Variants in HS2ST1 observed in about 807,000 individuals in gnomAD.
The protein encoded by HS2ST1 is 2-O-sulfotransferase.
HS2ST1 carries 18 observed loss-of-function variants against 42.9 expected under a neutral mutation model. The ratio of observed to expected loss-of-function variants is 0.42; its 90% CI spans 0.29 to 0.62. The LOEUF (loss-of-function observed/expected upper bound fraction) is 0.62, where lower values mean the gene tolerates loss of function less well. Ranked by LOEUF, HS2ST1 falls within the 20% of genes least tolerant of loss-of-function variation. The pLI, the probability that HS2ST1 is intolerant of heterozygous loss-of-function variation, is 0.21. For missense variants in HS2ST1, 334 were observed against 433.8 expected (o/e 0.77, Z 2.04); for synonymous variants, 146 against 152.9 (o/e 0.95, Z 0.33).
At position 86,919,235 on chromosome 1, in the gene HS2ST1, G is replaced by A. The variant is rs945919198; in HGVS notation, c.124+4075G>A. ...GCTGGGATTACAGGCATGAGCCACT[G>A]CACCCGGCCTCTTATTTGTTTTTGT... On this transcript the variant is annotated intron_variant, in intron 1 of 6. Transcript: ENST00000370550. 5.9e-5 allele frequency among the ~76,000 whole-genome samples: 9 copies of A among 152,076 alleles called. No individual in the cohort carries two copies. In the East Asian group the frequency reaches 7.7e-4, roughly 13 times the overall value.
At chr1:87,046,253 C>G in intron 1 of HS2ST1, 2 of 787,370 alleles carry the variant, frequency 2.5e-6, no homozygotes, top group South Asian at 2.6e-5. Flanking sequence ...AGGGTGTGAC[C>G]AAGTGTTACG....
rs541079525 is a variant in HS2ST1 at position 87,018,338 on chromosome 1, T to C, written c.125-54596T>C. Among the ~76,000 whole-genome samples the C allele has an allele frequency of 4.6e-5, 7 of 152,350 alleles. No homozygotes were observed. The South Asian group carries it at 1.5e-3, about 32-fold the overall frequency. ...GAGGAAGGGAGCTTCTTTACTAGTTTTTGAGTGCTTGCAGCTTCCCTGGCT... is the reference window on the plus strand; with the variant it reads ...GAGGAAGGGAGCTTCTTTACTAGTTCTTGAGTGCTTGCAGCTTCCCTGGCT... On this transcript the variant is annotated intron_variant, in intron 1 of 6. Coordinates refer to ENST00000370550, the MANE Select transcript of HS2ST1 (RefSeq NM_012262.4).
At chr1:87,097,715 A>G in intron 4 of HS2ST1, 123 bp from the exon 5 acceptor site, 1 of 1,130,430 alleles carries the variant, frequency 8.8e-7, no homozygotes, top group Non-Finnish European at 1.2e-6. Flanking sequence ...ATGACTCCAA[A>G]AAAAATAAGA....
chr1:87,042,812 G>A (rs1321356841), intron 1 of HS2ST1, among the ~76,000 whole-genome samples: 1 of 152,064 alleles, frequency 6.6e-6, no homozygotes, highest in Non-Finnish European at 1.5e-5. Flanking sequence ...CTGTATGTCT[G>A]GGAATATGTT....
chr1:86,975,095 C>T (rs922019135), intron 1 of HS2ST1, among the ~76,000 whole-genome samples: 24 of 151,976 alleles, frequency 1.6e-4, no homozygotes, highest in African/African-American at 4.8e-4. Flanking sequence ...AAGATTTGTT[C>T]GGTTGGCATA....
At chr1:87,034,345 TC>T (rs1650318536) in intron 1 of HS2ST1, among the ~76,000 whole-genome samples, 1 of 152,198 alleles carries the variant, frequency 6.6e-6, no homozygotes, top group African/African-American at 2.4e-5. Flanking sequence ...ACACCACACT[TC>T]AATTTTTTGT....
chr1:87,071,515 G>T (rs915682926), intron 1 of HS2ST1, among the ~76,000 whole-genome samples: 5 of 152,108 alleles, frequency 3.3e-5, no homozygotes, highest in African/African-American at 1.2e-4. Context: ...TGGATCACGA[G>T]GTCAGGAGTT....
At chr1:87,022,323 G>A (rs1649972918) in intron 1 of HS2ST1, among the ~76,000 whole-genome samples, 1 of 151,930 alleles carries the variant, frequency 6.6e-6, no homozygotes, top group African/African-American at 2.4e-5. Context: ...ATGGGAAACA[G>A]ACATACTCAT....
At chr1:87,028,156 A>G (rs977253546) in intron 1 of HS2ST1, among the ~76,000 whole-genome samples, 5 of 152,222 alleles carry the variant, frequency 3.3e-5, no homozygotes, top group Non-Finnish European at 5.9e-5. Flanking sequence ...TACTTTAAGT[A>G]GACAATTTCA....
At chr1:87,077,877 GC>G (rs1651584889) in intron 2 of HS2ST1, among the ~76,000 whole-genome samples, 1 of 152,014 alleles carries the variant, frequency 6.6e-6, no homozygotes, top group Non-Finnish European at 1.5e-5. Context: ...TTGGGAACCA[GC>G]CCCCTGCCCT....
intron 1 of HS2ST1, among the ~76,000 whole-genome samples, chr1:86,993,604 G>A (rs1204162981): frequency 6.6e-6 from 1 of 152,108 alleles, no homozygotes; most frequent in Admixed American, 6.5e-5. Context: ...GATATATAGG[G>A]TTGAAAACAT....
At chr1:86,960,227 CAAA>C (rs145286319) in intron 1 of HS2ST1, among the ~76,000 whole-genome samples, 17 of 131,452 alleles carry the variant, frequency 1.3e-4, no homozygotes, top group South Asian at 2.4e-4. Context: ...TCCACGCCAC[CAAA>C]AAAAAAAAAA....
chr1:86,945,441 G>C (rs1647301385), intron 1 of HS2ST1, among the ~76,000 whole-genome samples: 2 of 152,258 alleles, frequency 1.3e-5, no homozygotes, highest in South Asian at 4.1e-4. Context: ...GTTTTGTGTG[G>C]CAGATATTAT....
intron 1 of HS2ST1, among the ~76,000 whole-genome samples, chr1:86,991,464 A>G (rs946080021): frequency 6.6e-6 from 1 of 152,190 alleles, no homozygotes; most frequent in African/African-American, 2.4e-5. Context: ...TTGAATAGGT[A>G]GCCTCCTGTG....
chr1:87,013,896 A>G (rs1487213965), intron 1 of HS2ST1, among the ~76,000 whole-genome samples: 1 of 152,176 alleles, frequency 6.6e-6, no homozygotes. Context: ...GCACAATGCC[A>G]CCAGTTTCTT....
chr1:86,925,709 A>T (rs1173021713), intron 1 of HS2ST1, among the ~76,000 whole-genome samples: 1 of 152,210 alleles, frequency 6.6e-6, no homozygotes, highest in African/African-American at 2.4e-5. Flanking sequence ...CCTGCAACAC[A>T]TGTGAATTCA....
chr1:86,979,100 C>T (rs1325876521), intron 1 of HS2ST1, among the ~76,000 whole-genome samples: 1 of 152,094 alleles, frequency 6.6e-6, no homozygotes, highest in African/African-American at 2.4e-5. Context: ...AAGCAATCCG[C>T]CTGCCTCAGC....
At chr1:87,029,294 AATT>A (rs1379558500) in intron 1 of HS2ST1, among the ~76,000 whole-genome samples, 6 of 152,218 alleles carry the variant, frequency 3.9e-5, no homozygotes, top group Non-Finnish European at 8.8e-5. Context: ...GTGTCATGTG[AATT>A]ATTCTTTTTT....
Position 87,097,849 on chromosome 1 carries a change from ATG to A in HS2ST1, c.604_605del (p.Val202SerfsTer23). 1 of 1,613,994 alleles carries A rather than the reference ATG, an allele frequency of 6.2e-7. No homozygotes were observed. The highest frequency in any genetic ancestry group is 8.5e-7 in the Non-Finnish European group (1 of 1,179,924). On this transcript the variant is annotated frameshift_variant, in exon 5 of 7. Coordinates refer to ENST00000370550, the MANE Select transcript of HS2ST1 (RefSeq NM_012262.4). LOFTEE classifies it high-confidence loss of function. Reference protein sequence around the residue: ...KQGDKKTFDECVAEGGSDCAP... With the variant: ...KQGDKKTFDEXVAEGGSDCAP... ...TGTCTTTGTTCTAGACCTTTGATGA[ATG>A]TGTAGCAGAAGGTGGCTCAGACTGT...
Sources: allele counts gnomAD v4.1 joint callset (sites outside exome capture counted in the v4.1 genomes callset), GRCh38; gene constraint gnomAD v4.1.1; transcripts MANE v1.5; gene names NCBI Gene and HGNC (gene_info 2026-07-23, HGNC 2026-07-21).